The following MIER3 variants were observed in gnomAD, a reference collection of about 807,000 sequenced individuals.
MIER3 encodes mesoderm induction early response protein 3.
In MIER3, 9 loss-of-function variants were observed where a neutral mutation model predicts 63.2. The observed-to-expected ratio is 0.14, with a 90% CI of 0.09 to 0.25. The LOEUF (loss-of-function observed/expected upper bound fraction) is 0.25, where lower values mean the gene tolerates loss of function less well. Ranked by LOEUF, MIER3 falls within the 10% of genes least tolerant of loss-of-function variation. The pLI, the probability that MIER3 is intolerant of heterozygous loss-of-function variation, is 1.00. For missense variants in MIER3, 512 were observed against 666.2 expected (o/e 0.77, Z 2.55); for synonymous variants, 205 against 224.9 (o/e 0.91, Z 0.79).
chr5:56,935,661 C>A lies in MIER3; in HGVS notation c.522+5G>T. On this transcript the variant is annotated splice_donor_5th_base_variant and intron_variant, in intron 6 of 12. Coordinates refer to ENST00000381199, the MANE Select transcript of MIER3 (RefSeq NM_001297599.2). ...AATTTAGTCCACTATATTAACTCAG[C>A]TTACCTTCCTCAAATCTTCAGGTGA... 1 of 1,612,288 alleles carries A rather than the reference C, an allele frequency of 6.2e-7. No homozygotes were observed. The highest frequency in any genetic ancestry group is 8.5e-7 in the Non-Finnish European group (1 of 1,178,782).
At chr5:56,929,787 G>T (rs949994297) in intron 9 of MIER3, among the ~76,000 whole-genome samples, 4 of 152,126 alleles carry the variant, frequency 2.6e-5, no homozygotes, top group African/African-American at 7.2e-5. Context: ...GACCTGGAAG[G>T]TCTTCAAAGA....
chr5:56,926,645 A>ATGGTACAGCCACTT (rs199689255), intron 10 of MIER3, among the ~76,000 whole-genome samples: 1,660 of 152,222 alleles, frequency 0.011, 35 homozygotes, highest in African/African-American at 0.037. Flanking sequence ...GAAATACTAA[A>ATGGTACAGCCACTT]TGGAAGACAG....
At position 56,938,959 on chromosome 5, in the gene MIER3, G is replaced by A. The variant is rs1294896854; in HGVS notation, c.239C>T (p.Pro80Leu). The change falls in exon 4 of 13, where the codon CCA becomes CTA. Residue 80 changes from proline to leucine, a missense_variant. By Grantham distance (98) the Pro-to-Leu change is moderately conservative. Coordinates refer to ENST00000381199, the MANE Select transcript of MIER3 (RefSeq NM_001297599.2). ...LAFYGYEPTI[P>L]AVANSSANSS... ...ATTTGCACTGGAATTTGCAACTGCT[G>A]GAATTGTAGGTTCATAGCCATAGAA... 2 of 1,614,014 alleles carry A rather than the reference G, an allele frequency of 1.2e-6. No homozygotes were observed. Among genetic ancestry groups the A allele is most frequent in the Non-Finnish European group, 1.7e-6 (2 of 1,180,020 alleles).
At chr5:56,931,134 T>C (rs901995106) in intron 8 of MIER3, among the ~76,000 whole-genome samples, 4 of 152,202 alleles carry the variant, frequency 2.6e-5, no homozygotes, top group African/African-American at 9.6e-5. Context: ...TCTCTTTTAG[T>C]TTTAATATAA....
At chr5:56,932,542 A>G (rs1480515440) in intron 8 of MIER3, among the ~76,000 whole-genome samples, 2 of 152,298 alleles carry the variant, frequency 1.3e-5, no homozygotes, top group East Asian at 3.9e-4. Flanking sequence ...CTGAATACTT[A>G]TTAGTCAGGG....
chr5:56,934,337 G>A (rs757794810), intron 7 of MIER3, among the ~76,000 whole-genome samples: 5 of 152,188 alleles, frequency 3.3e-5, no homozygotes, highest in Non-Finnish European at 7.3e-5. Flanking sequence ...TTTGAGAGAA[G>A]TTCCTAGAAC....
At position 56,938,985 on chromosome 5, in the gene MIER3, T is replaced by C. The variant is rs773598756; in HGVS notation, c.213A>G (p.Ala71=). 1.2e-6 allele frequency: 2 copies of C among 1,614,186 alleles called. No individual in the cohort carries two copies. Among genetic ancestry groups the C allele is most frequent in the Non-Finnish European group, 1.7e-6 (2 of 1,180,014 alleles). Residue 71 remains alanine, a synonymous_variant, in exon 4 of 13, where the codon GCA becomes GCG. Transcript: ENST00000381199. ...GAATTGTAGGTTCATAGCCATAGAA[T>C]GCCAGTAAATCTTCTAGAGGCATGG... ...EGTMPLEDLL[A]FYGYEPTIPA...
intron 3 of MIER3, among the ~76,000 whole-genome samples, chr5:56,943,780 A>G (rs1750731718): frequency 6.6e-6 from 1 of 152,232 alleles, no homozygotes; most frequent in Non-Finnish European, 1.5e-5. Flanking sequence ...AGTAAGTCTC[A>G]AAGTCTGTAA....
rs892272237 is a variant in MIER3, at chr5:56,942,720, G to C, written c.181-3703C>G. 4.6e-5 allele frequency among the ~76,000 whole-genome samples: 7 copies of C among 152,134 alleles called. No individual in the cohort carries two copies. The South Asian group carries it at 1.5e-3, about 32-fold the overall frequency. ...AGGGAGAAGCCAGAAAATAGAACGA[G>C]GAAAAAGTAGGATTACTTAAATTAA... On this transcript the variant is annotated intron_variant, in intron 3 of 12. Transcript: ENST00000381199.
intron 3 of MIER3, chr5:56,941,689 G>A (rs1025485605): frequency 9.2e-5 from 14 of 152,242 alleles, no homozygotes; most frequent in African/African-American, 3.4e-4. Flanking sequence ...AGGGCAATGA[G>A]GAGCCATTAG....
At position 56,921,680 on chromosome 5, in the gene MIER3, T is replaced by C. The variant is rs1209754015; in HGVS notation, c.*1448A>G. 6.6e-6 allele frequency: 1 copy of C among 152,610 alleles called. No individual in the cohort carries two copies. Among genetic ancestry groups the C allele is most frequent in the East Asian group, 1.9e-4 (1 of 5,204 alleles). The allele number at this position is 152,610 out of a possible 1,614,324, so 9.5% of individuals were successfully genotyped here. A position where few individuals can be genotyped will look rare whatever the true frequency, so the allele number is the denominator to read the frequency against. ...TCCTATCTACTCATCAGCACAACCTTGAAGCAACTTATACTTACAAATATT... is the reference window on the plus strand; with the variant it reads ...TCCTATCTACTCATCAGCACAACCTCGAAGCAACTTATACTTACAAATATT... On this transcript the variant is annotated 3_prime_UTR_variant, in exon 13 of 13. Coordinates refer to ENST00000381199, the MANE Select transcript of MIER3 (RefSeq NM_001297599.2).
chr5:56,928,989 T>TCACACACA (rs1161950983), intron 9 of MIER3, 128 bp from the exon 10 acceptor site: 87 of 468,884 alleles, frequency 1.9e-4, no homozygotes, highest in Admixed American at 1.6e-3. Flanking sequence ...ACACTCTCTC[T>TCACACACA]CTCACACACA....
chr5:56,945,373 G>C (rs1333545838), intron 3 of MIER3, among the ~76,000 whole-genome samples: 1 of 152,044 alleles, frequency 6.6e-6, no homozygotes, highest in African/African-American at 2.4e-5. Context: ...TGAGGCAGGA[G>C]AATCACTTGA....
chr5:56,924,768 C>G (rs901970871), intron 10 of MIER3, among the ~76,000 whole-genome samples: 2 of 152,166 alleles, frequency 1.3e-5, no homozygotes, highest in Non-Finnish European at 2.9e-5. Context: ...GATGTATGAA[C>G]AAAATTCTTC....
intron 1 of MIER3, 96 bp downstream of exon 1, chr5:56,951,998 A>G: frequency 9.5e-7 from 1 of 1,053,316 alleles, no homozygotes; most frequent in South Asian, 3.2e-5. Flanking sequence ...GGGGCAGCGG[A>G]AAGAGCCCCG....
At chr5:56,943,216 A>C (rs1025572248) in intron 3 of MIER3, among the ~76,000 whole-genome samples, 3 of 152,132 alleles carry the variant, frequency 2.0e-5, no homozygotes, top group Non-Finnish European at 4.4e-5. Context: ...GAGGGAAGAA[A>C]GTACATACAT....
At position 56,938,853 on chromosome 5, in the gene MIER3, T is replaced by A. The variant is rs374072716; in HGVS notation, c.315+30A>T. On this transcript the variant is annotated intron_variant, in intron 4 of 12. Transcript: ENST00000381199. ...AAAAGCAGTCAATGGTAACAGACCC[T>A]GAATTTTTCTTTCAAATGCTCACAC... 2.5e-6 allele frequency: 4 copies of A among 1,604,318 alleles called. No individual in the cohort carries two copies. In the African/African-American group the frequency reaches 5.4e-5, roughly 21 times the overall value.
At chr5:56,946,401 A>G (rs1750825328) in intron 3 of MIER3, among the ~76,000 whole-genome samples, 1 of 152,180 alleles carries the variant, frequency 6.6e-6, no homozygotes, top group African/African-American at 2.4e-5. Context: ...ATTACAAACT[A>G]CACTCACTCT....
chr5:56,925,514 C>T, intron 10 of MIER3: 1 of 232,566 alleles, frequency 4.3e-6, no homozygotes, highest in South Asian at 4.8e-5. Flanking sequence ...TACATTAGCA[C>T]CCCAAAATTA....
Sources: allele counts gnomAD v4.1 joint callset (sites outside exome capture counted in the v4.1 genomes callset), GRCh38; gene constraint gnomAD v4.1.1; transcripts MANE v1.5; gene names NCBI Gene and HGNC (gene_info 2026-07-23, HGNC 2026-07-21).